EML1: variants seen among roughly 807,000 people sequenced by gnomAD.
The protein encoded by EML1 is EMAP like 1.
In EML1, 27 loss-of-function variants were observed where a neutral mutation model predicts 110.4. The ratio of observed to expected loss-of-function variants is 0.24; its 90% CI spans 0.18 to 0.34. The LOEUF (loss-of-function observed/expected upper bound fraction) is 0.34. EML1 is among the 10% of genes least tolerant of loss of function. EML1 has a pLI of 1.00. For synonymous variants in EML1, 344 were observed against 385.8 expected (o/e 0.89, Z 1.27); for missense variants, 741 against 1,030.9 (o/e 0.72, Z 3.85).
intron 1 of EML1, among the ~76,000 whole-genome samples, chr14:99,841,048 G>A (rs1400692907): frequency 6.6e-6 from 1 of 152,158 alleles, no homozygotes. Context: ...CCAGTGCTTG[G>A]CTGGGTTCTC....
chr14:99,822,585 A>T (rs1209368489), intron 1 of EML1, among the ~76,000 whole-genome samples: 1 of 152,022 alleles, frequency 6.6e-6, no homozygotes, highest in Non-Finnish European at 1.5e-5. Context: ...TTTCATATTC[A>T]TTTATATTAT....
In EML1 at chr14:99,869,769, G is replaced by A. The variant is rs117741596; in HGVS notation, c.383+4123G>A. Among the ~76,000 whole-genome samples, 31 of 152,246 alleles carry A rather than the reference G, an allele frequency of 2.0e-4. No homozygotes were observed. In the East Asian group the frequency reaches 5.6e-3, roughly 27 times the overall value. ...TATTGGTGCTGTCTTCACAATAAGTGAGTTCTTGCTCTGAGTTCACTCAAG... is the reference window on the plus strand; with the variant it reads ...TATTGGTGCTGTCTTCACAATAAGTAAGTTCTTGCTCTGAGTTCACTCAAG... On this transcript the variant is annotated intron_variant, in intron 3 of 21. Coordinates refer to ENST00000262233, the MANE Select transcript of EML1 (RefSeq NM_004434.3).
In EML1 at chr14:99,922,578, C is replaced by T. The variant is rs138791560; in HGVS notation, c.1909+1701C>T. ...TATGTTTAACATTTTATGAAACTGCCAGACTGCCTGTCCTATTTTACATTC... is the reference window on the plus strand; with the variant it reads ...TATGTTTAACATTTTATGAAACTGCTAGACTGCCTGTCCTATTTTACATTC... On this transcript the variant is annotated intron_variant, in intron 17 of 21. Coordinates refer to ENST00000262233, the MANE Select transcript of EML1 (RefSeq NM_004434.3). Among the ~76,000 whole-genome samples the T allele has an allele frequency of 4.6e-3, 694 of 152,192 alleles. 6 individuals carry two copies. Among genetic ancestry groups the T allele is most frequent in the African/African-American group, 0.016 (673 of 41,524 alleles).
chr14:99,840,151 GC>G (rs1353711389), intron 1 of EML1, among the ~76,000 whole-genome samples: 1 of 152,210 alleles, frequency 6.6e-6, no homozygotes, highest in African/African-American at 2.4e-5. Flanking sequence ...ATGTTTATCT[GC>G]AAATTATTGA....
intron 6 of EML1, among the ~76,000 whole-genome samples, chr14:99,896,277 A>G (rs1053750428): frequency 6.6e-6 from 1 of 152,142 alleles, no homozygotes; most frequent in African/African-American, 2.4e-5. Flanking sequence ...ATTTAGAATA[A>G]TTACTATTTG....
Position 99,937,850 on chromosome 14 carries a change from T to C in EML1, c.2129T>C (p.Val710Ala), listed in dbSNP as rs757753739. Residue 710 changes from valine (V) to alanine (A), a missense_variant, in exon 20 of 22, where the codon GTG becomes GCG. Physicochemically the swap from Val to Ala is moderately conservative, Grantham distance 64. Around this residue, in one of 4 missense-constraint regions of EML1, gnomAD observed 388 missense variants for 605.6 expected, o/e 0.64. Transcript: ENST00000262233. Reference protein sequence around the residue: ...VPSACKQVVSVETTRDIEWAT... With the variant: ...VPSACKQVVSAETTRDIEWAT... ...TCTGCCTGTAAGCAAGTCGTAAGTGTGGAAACTACAAGAGACATTGAATGG... is the reference window on the plus strand; with the variant it reads ...TCTGCCTGTAAGCAAGTCGTAAGTGCGGAAACTACAAGAGACATTGAATGG... 3.5e-5 allele frequency: 57 copies of C among 1,614,042 alleles called. No homozygotes were observed. In the South Asian group the frequency reaches 6.1e-4, roughly 17 times the overall value.
intron 1 of EML1, among the ~76,000 whole-genome samples, chr14:99,844,496 T>C (rs1044582745): frequency 3.4e-5 from 5 of 147,912 alleles, no homozygotes; most frequent in African/African-American, 1.2e-4. Flanking sequence ...AAAAAAAAAT[T>C]GGCAAAACCA....
intron 3 of EML1, among the ~76,000 whole-genome samples, chr14:99,871,842 A>G (rs2139908555): frequency 1.3e-5 from 2 of 152,290 alleles, no homozygotes; most frequent in Middle Eastern, 6.8e-3. Flanking sequence ...ATGACAATAA[A>G]GGGTTTAGAG....
rs57894783 is a variant in EML1, at chr14:99,815,139, C to CT, written c.67+21616dup. ...TAAAACTGGGATCTGTGAGGCTTGG[C>CT]TTTTTTTTTTTTTTTTTTTTGAGAC... On this transcript the variant is annotated intron_variant, in intron 1 of 21. Coordinates refer to ENST00000262233, the MANE Select transcript of EML1 (RefSeq NM_004434.3). Among the ~76,000 whole-genome samples, 973 of 96,348 alleles carry CT rather than the reference C, an allele frequency of 0.01. 54 individuals carry two copies. The East Asian group carries it at 0.13, about 13-fold the overall frequency. 63.2% of individuals were successfully genotyped at this position (96,348 alleles called of 152,430 possible).
intron 1 of EML1, among the ~76,000 whole-genome samples, chr14:99,749,292 C>T (rs1027415726): frequency 6.6e-6 from 1 of 152,200 alleles, no homozygotes; most frequent in Non-Finnish European, 1.5e-5. Context: ...GGCATGCTGG[C>T]TCTGACTCCT....
At chr14:99,842,518 T>C (rs987616739) in intron 1 of EML1, among the ~76,000 whole-genome samples, 1 of 152,218 alleles carries the variant, frequency 6.6e-6, no homozygotes, top group African/African-American at 2.4e-5. Context: ...ACTAGGATTA[T>C]GTCATGGGGA....
chr14:99,824,470 T>C (rs1171712719), intron 1 of EML1, among the ~76,000 whole-genome samples: 1 of 151,390 alleles, frequency 6.6e-6, no homozygotes, highest in Non-Finnish European at 1.5e-5. Context: ...GAAATGCAAA[T>C]CAAAATCACA....
upstream of EML1, among the ~76,000 whole-genome samples, chr14:99,791,004 C>T (rs994266474): frequency 2.6e-5 from 4 of 152,070 alleles, no homozygotes; most frequent in African/African-American, 9.7e-5. Context: ...ACTATAGGTG[C>T]ACACCACCAT....
Position 99,850,619 on chromosome 14 carries a change from A to G in EML1, c.68-234A>G, listed in dbSNP as rs777589518. 1.1e-4 allele frequency among the ~76,000 whole-genome samples: 17 copies of G among 152,216 alleles called. 1 individual carries two copies. ...AAAGTATAATGTCAATTAAAACCACAGTTTATAATGAAGAGTGCAAATGTA... is the reference window on the plus strand; with the variant it reads ...AAAGTATAATGTCAATTAAAACCACGGTTTATAATGAAGAGTGCAAATGTA... On this transcript the variant is annotated intron_variant, in intron 1 of 21. Transcript: ENST00000262233.
At chr14:99,928,176 G>A (rs1595497214) in intron 17 of EML1, among the ~76,000 whole-genome samples, 2 of 82,494 alleles carry the variant, frequency 2.4e-5, no homozygotes, top group Non-Finnish European at 4.6e-5. Context: ...GGTGGTGGAG[G>A]TGGTGGTGGT....
intron 1 of EML1, 25 bp from the exon 2 acceptor site, chr14:99,850,828 T>C (rs745313588): frequency 6.2e-7 from 1 of 1,605,792 alleles, no homozygotes; most frequent in Non-Finnish European, 8.5e-7. Context: ...CACTTAAAGC[T>C]CACTTGATCC....
chr14:99,908,380 A>G (rs1211759509), intron 10 of EML1, among the ~76,000 whole-genome samples: 1 of 152,190 alleles, frequency 6.6e-6, no homozygotes, highest in Non-Finnish European at 1.5e-5. Context: ...ATAGACTCGA[A>G]TTCAGATTTC....
chr14:99,820,857 G>A (rs2058249099), intron 1 of EML1, among the ~76,000 whole-genome samples: 1 of 152,110 alleles, frequency 6.6e-6, no homozygotes, highest in East Asian at 1.9e-4. Flanking sequence ...GAAGGTGCAC[G>A]GAGGCCCGGT....
At chr14:99,895,377 A>G (rs941681230) in intron 6 of EML1, among the ~76,000 whole-genome samples, 3 of 152,148 alleles carry the variant, frequency 2.0e-5, no homozygotes, top group African/African-American at 2.4e-5. Context: ...CCAAAAGCCA[A>G]TTATTTTTAA....
Sources: allele counts gnomAD v4.1 joint callset (sites outside exome capture counted in the v4.1 genomes callset), GRCh38; gene constraint gnomAD v4.1.1; regional missense constraint gnomAD v4.1.1; transcripts MANE v1.5; gene names NCBI Gene and HGNC (gene_info 2026-07-23, HGNC 2026-07-21).